ANKRD11: variants seen among roughly 807,000 people sequenced by gnomAD.
The protein encoded by ANKRD11 is ankyrin repeat domain-containing protein 11.
In ANKRD11, 17 loss-of-function variants were observed where a neutral mutation model predicts 195.7. The ratio of observed to expected loss-of-function variants is 0.09; its 90% CI spans 0.06 to 0.13. The LOEUF is 0.13. Among genes scored for constraint, ANKRD11 ranks in the 10% least tolerant of loss-of-function variants. ANKRD11 has a pLI of 1.00. For missense variants in ANKRD11, 3,735 were observed against 3,566.1 expected (o/e 1.05, Z -1.21); for synonymous variants, 1,953 against 1,528.1 (o/e 1.28, Z -6.49).
Position 89,447,804 on chromosome 16 carries a change from C to CTTT in ANKRD11, c.-144-29439_-144-29437dup, listed in dbSNP as rs753581064. On this transcript the variant is annotated intron_variant, in intron 1 of 12. Transcript: ENST00000301030. ...TTTTCCTAAAATACAATAACTTTTTCTTTTTTTTTTTTTTTTTGGAGACAA... is the reference window on the plus strand; with the variant it reads ...TTTTCCTAAAATACAATAACTTTTTCTTTTTTTTTTTTTTTTTTTTGGAGACAA... Among the ~76,000 whole-genome samples, 1,010 of 135,260 alleles carry CTTT rather than the reference C, an allele frequency of 7.5e-3. 17 individuals carry two copies. Among genetic ancestry groups the CTTT allele is most frequent in the African/African-American group, 0.026 (930 of 35,906 alleles). 88.7% of individuals were successfully genotyped at this position (135,260 alleles called of 152,430 possible).
intron 1 of ANKRD11, among the ~76,000 whole-genome samples, chr16:89,456,627 G>A (rs956049629): frequency 6.6e-6 from 1 of 151,484 alleles, no homozygotes; most frequent in African/African-American, 2.4e-5. Flanking sequence ...AGACAATGCA[G>A]CATTATTCAC....
chr16:89,339,767 T>G (rs988677795), intron 2 of ANKRD11: 2 of 152,214 alleles, frequency 1.3e-5, no homozygotes, highest in African/African-American at 4.8e-5. Context: ...ACAAATTACA[T>G]AATGGTTGAA....
At chr16:89,461,206 G>A (rs1333378658) in intron 1 of ANKRD11, among the ~76,000 whole-genome samples, 3 of 146,776 alleles carry the variant, frequency 2.0e-5, no homozygotes, top group Admixed American at 1.4e-4. Flanking sequence ...TATAGGAGAG[G>A]TGCCTTGAGT....
chr16:89,343,698 C>A (rs1331222512), intron 2 of ANKRD11: 1 of 152,278 alleles, frequency 6.6e-6, no homozygotes, highest in Non-Finnish European at 1.5e-5. Context: ...CAGACCACGA[C>A]TAACAGGTTT....
intron 4 of ANKRD11, among the ~76,000 whole-genome samples, chr16:89,298,647 G>T (rs1273488128): frequency 6.6e-6 from 1 of 152,208 alleles, no homozygotes; most frequent in East Asian, 1.9e-4. Context: ...GTGGACCCCA[G>T]CTTGTCTGTG....
At position 89,301,415 on chromosome 16, in the gene ANKRD11, T is replaced by C. The variant is rs569463606; in HGVS notation, c.226+3791A>G. 1.1e-4 allele frequency: 43 copies of C among 396,654 alleles called. No individual in the cohort carries two copies. In the South Asian group the frequency reaches 5.1e-3, roughly 47 times the overall value. The allele number at this position is 396,654 out of a possible 1,614,324, so 24.6% of individuals were successfully genotyped here. A position where few individuals can be genotyped will look rare whatever the true frequency, so the allele number is the denominator to read the frequency against. Reference sequence around the variant, plus strand: ...TAAACTGAGACCACCCTTGAGGTGGTAGAGGACAGACTTCAAAAGCAGATA... The same window carrying C: ...TAAACTGAGACCACCCTTGAGGTGGCAGAGGACAGACTTCAAAAGCAGATA... On this transcript the variant is annotated intron_variant, in intron 4 of 12. Transcript: ENST00000301030.
intron 1 of ANKRD11, among the ~76,000 whole-genome samples, chr16:89,455,723 G>C (rs2056406470): frequency 6.6e-6 from 1 of 152,152 alleles, no homozygotes; most frequent in Admixed American, 6.5e-5. Context: ...TGGTACAAAA[G>C]AGTGCCGCAG....
intron 1 of ANKRD11, among the ~76,000 whole-genome samples, chr16:89,465,331 G>A (rs1328281625): frequency 6.6e-6 from 1 of 152,162 alleles, no homozygotes; most frequent in Non-Finnish European, 1.5e-5. Flanking sequence ...CATATCAACA[G>A]AAAATCCTAC....
chr16:89,387,534 G>A (rs932870524), intron 2 of ANKRD11, among the ~76,000 whole-genome samples: 7 of 151,862 alleles, frequency 4.6e-5, no homozygotes, highest in Admixed American at 1.3e-4. Context: ...TTAACCAGGC[G>A]TGGTGGCGGG....
intron 2 of ANKRD11, among the ~76,000 whole-genome samples, chr16:89,349,889 CACACACACACACACACACACACAT>C (rs1285677716): frequency 9.9e-5 from 13 of 131,008 alleles, no homozygotes; most frequent in Middle Eastern, 3.8e-3. Context: ...CACACACACA[CACACACACACACACACACACACAT>C]ATTCAAACAA....
At chr16:89,445,758 T>G (rs2043757652) in intron 1 of ANKRD11, among the ~76,000 whole-genome samples, 1 of 152,110 alleles carries the variant, frequency 6.6e-6, no homozygotes, top group Non-Finnish European at 1.5e-5. Context: ...GCAGATCACC[T>G]GAGGTCAGGA....
intron 1 of ANKRD11, among the ~76,000 whole-genome samples, chr16:89,469,569 T>C (rs2152347094): frequency 6.6e-6 from 1 of 151,632 alleles, no homozygotes; most frequent in East Asian, 2.0e-4. Flanking sequence ...GAGATTCTAG[T>C]CCAAGAGAAA....
In ANKRD11 at chr16:89,284,818, C is replaced by G. The variant is rs2034531289; in HGVS notation, c.1724G>C (p.Ser575Thr). 3 of 1,613,904 alleles carry G rather than the reference C, an allele frequency of 1.9e-6. No homozygotes were observed. Among genetic ancestry groups the G allele is most frequent in the Non-Finnish European group, 2.5e-6 (3 of 1,180,050 alleles). ...LSDSTRTRLT[S>T]ESDYSSEGSS... ...GCCCTCAGAGGAGTAGTCAGACTCGCTTGTCAGTCTCGTCCTTGTGGAGTC... is the reference window on the plus strand; with the variant it reads ...GCCCTCAGAGGAGTAGTCAGACTCGGTTGTCAGTCTCGTCCTTGTGGAGTC... Residue 575 changes from serine to threonine, a missense_variant, in exon 9 of 13, where the codon AGC (serine) becomes ACC (threonine). Coordinates refer to ENST00000301030, the MANE Select transcript of ANKRD11 (RefSeq NM_013275.6).
intron 4 of ANKRD11, among the ~76,000 whole-genome samples, chr16:89,293,751 G>A (rs1251013693): frequency 6.6e-6 from 1 of 151,238 alleles, no homozygotes; most frequent in East Asian, 1.9e-4. Context: ...AGGAGCTGGG[G>A]CGGTGTTGGG....
intron 1 of ANKRD11, among the ~76,000 whole-genome samples, chr16:89,452,244 TGA>T (rs1480740302): frequency 6.7e-6 from 1 of 150,206 alleles, no homozygotes; most frequent in Non-Finnish European, 1.5e-5. Context: ...GGCAACAGAG[TGA>T]GACTCTGTCT....
chr16:89,382,909 C>G (rs1271548016), intron 2 of ANKRD11, among the ~76,000 whole-genome samples: 1 of 152,204 alleles, frequency 6.6e-6, no homozygotes, highest in Non-Finnish European at 1.5e-5. Flanking sequence ...AGCATGATCT[C>G]GGCTCACTGC....
chr16:89,288,946 T>G (rs2151785589), intron 6 of ANKRD11: 2 of 554,976 alleles, frequency 3.6e-6, no homozygotes, highest in African/African-American at 1.9e-5. Flanking sequence ...CCTAAAAGGG[T>G]AGGAAATCAG....
intron 7 of ANKRD11, chr16:89,288,189 C>T (rs372719985): frequency 3.3e-6 from 2 of 610,244 alleles, no homozygotes; most frequent in South Asian, 3.9e-5. Context: ...CTAACAGTCC[C>T]ACAGTGGTGA....
chr16:89,424,874 ATC>A (rs1021319514), intron 1 of ANKRD11, among the ~76,000 whole-genome samples: 1 of 151,966 alleles, frequency 6.6e-6, no homozygotes, highest in Non-Finnish European at 1.5e-5. Flanking sequence ...AAATCAATCA[ATC>A]TCTCTCTCTA....
Sources: allele counts gnomAD v4.1 joint callset (sites outside exome capture counted in the v4.1 genomes callset), GRCh38; gene constraint gnomAD v4.1.1; transcripts MANE v1.5; gene names NCBI Gene and HGNC (gene_info 2026-07-23, HGNC 2026-07-21).